The following VGLL4 variants were observed in gnomAD, a reference collection of about 807,000 sequenced individuals.
VGLL4 encodes vestigial like family member 4.
VGLL4 carries 7 observed loss-of-function variants against 21.0 expected under a neutral mutation model. That is an observed-to-expected ratio of 0.33 (90% confidence interval 0.19 to 0.63). The LOEUF is 0.63. VGLL4 is among the 20% of genes least tolerant of loss of function. The probability of loss-of-function intolerance (pLI) is 0.78; values close to 1 mark genes in which losing one functional copy is unlikely to be tolerated. For synonymous variants in VGLL4, 222 were observed against 173.2 expected, an observed-to-expected ratio of 1.28 and a Z score of -2.21; for missense variants, 394 against 425.7, an observed-to-expected ratio of 0.93 and a Z score of 0.66.
At chr3:11,672,904 T>C (rs995325572) in intron 2 of VGLL4, among the ~76,000 whole-genome samples, 1 of 152,130 alleles carries the variant, frequency 6.6e-6, no homozygotes, top group African/African-American at 2.4e-5. Context: ...ACGAGAACAC[T>C]GAACTCTCTA....
rs557446033 is a variant in VGLL4, at chr3:11,663,858, T to G, written c.64+39113A>C. ...AAAACAATGGAATTTAATTTCTCTA[T>G]GCTGTAAGAAAACACATTTGTCATT... On this transcript the variant is annotated intron_variant, in intron 2 of 5. Coordinates refer to the VGLL4 transcript ENST00000273038. Among the ~76,000 whole-genome samples the G allele has an allele frequency of 5.9e-5, 9 of 152,384 alleles. No individual in the cohort carries two copies. In the South Asian group the frequency reaches 1.7e-3, roughly 28 times the overall value.
At position 11,565,046 on chromosome 3, in the gene VGLL4, G is replaced by C. The variant is rs2073399257; in HGVS notation, c.273-27C>G. 6.8e-7 allele frequency: 1 copy of C among 1,465,454 alleles called. No homozygotes were observed. The highest frequency in any genetic ancestry group is 1.5e-5 in the South Asian group (1 of 67,304). The allele number at this position is 1,465,454 out of a possible 1,614,324, so 90.8% of individuals were successfully genotyped here. ...TGAAAAAGAGGAATGGGCATTCAGG[G>C]GGCGTTTTCTCAAAGGCAAAGGGGA... On this transcript the variant is annotated intron_variant, in intron 2 of 4. Coordinates refer to ENST00000430365, the MANE Select transcript of VGLL4 (RefSeq NM_001128219.3). The surrounding 1 kb of genome is among the most constrained non-coding windows in gnomAD (Gnocchi z 4.1).
chr3:11,632,091 A>G (rs1055106997), intron 1 of VGLL4, among the ~76,000 whole-genome samples: 4 of 152,134 alleles, frequency 2.6e-5, no homozygotes, highest in African/African-American at 9.7e-5. Flanking sequence ...GGGCAGGCAG[A>G]TCGCCTGAGG....
chr3:11,575,683 G>T (rs2074017915), intron 2 of VGLL4, among the ~76,000 whole-genome samples: 1 of 152,256 alleles, frequency 6.6e-6, no homozygotes, highest in Admixed American at 6.5e-5. Context: ...AGACCTGTCG[G>T]AAACGCTGCT....
intron 1 of VGLL4, among the ~76,000 whole-genome samples, chr3:11,617,152 A>G (rs1480271748): frequency 6.6e-6 from 1 of 152,204 alleles, no homozygotes; most frequent in African/African-American, 2.4e-5. Context: ...TAACTCTAAC[A>G]GGAGTGGGAT....
intron 1 of VGLL4, among the ~76,000 whole-genome samples, chr3:11,639,107 T>C (rs2125326829): frequency 6.6e-6 from 1 of 152,328 alleles, no homozygotes; most frequent in South Asian, 2.1e-4. Flanking sequence ...AATTACACAC[T>C]AATGGCTCTT....
chr3:11,558,492 T>TACTG lies in VGLL4; in HGVS notation c.*60_*63dup. ...CCCCCATGATTTTTTTTTTTTTAAG[T>TACTG]ACTGACTGTTCAAAGCTCAGGCAAA... On this transcript the variant is annotated 3_prime_UTR_variant, in exon 5 of 5. Transcript: ENST00000430365. 7.1e-7 allele frequency: 1 copy of TACTG among 1,414,668 alleles called. No individual in the cohort carries two copies. Among genetic ancestry groups the TACTG allele is most frequent in the Non-Finnish European group, 9.5e-7 (1 of 1,053,578 alleles). 87.6% of individuals were successfully genotyped at this position (1,414,668 alleles called of 1,614,324 possible).
At position 11,564,982 on chromosome 3, in the gene VGLL4, G is replaced by A. The variant is rs774581253; in HGVS notation, c.310C>T (p.Arg104Trp). Residue 104 changes from arginine to tryptophan, a missense_variant, in exon 3 of 5, where the codon CGG (arginine) becomes TGG (tryptophan). By Grantham distance (101) the Arg-to-Trp change is moderately radical. Coordinates refer to ENST00000430365, the MANE Select transcript of VGLL4 (RefSeq NM_001128219.3). ...TCGATGGGGCTGCGGCTCCGCTCCC[G>A]GGGGTCTCTGCGGCAGTCTCCATTG... The part of the protein sequence containing the change: ...TANGDCRRDP[R>W]ERSRSPIERA... The A allele has an allele frequency of 4.6e-5, 70 of 1,528,852 alleles. No individual in the cohort carries two copies. Among genetic ancestry groups the A allele is most frequent in the Non-Finnish European group, 5.5e-5 (63 of 1,139,298 alleles). The allele number at this position is 1,528,852 out of a possible 1,614,324, so 94.7% of individuals were successfully genotyped here.
At chr3:11,621,256 A>G (rs9865799) in intron 1 of VGLL4, among the ~76,000 whole-genome samples, 15,055 of 152,186 alleles carry the variant, frequency 0.099, 1,157 homozygotes, top group African/African-American at 0.2. Context: ...CTGTGCAACA[A>G]TCACCATGAT....
At chr3:11,676,848 C>G (rs1312144987) in intron 2 of VGLL4, among the ~76,000 whole-genome samples, 1 of 152,172 alleles carries the variant, frequency 6.6e-6, no homozygotes, top group Admixed American at 6.5e-5. Context: ...ATTACATCAA[C>G]TCCACATATT....
chr3:11,567,296 C>CA (rs1308945209), intron 2 of VGLL4, among the ~76,000 whole-genome samples: 3 of 152,114 alleles, frequency 2.0e-5, no homozygotes, highest in African/African-American at 7.2e-5. Context: ...CCTCAGTGAG[C>CA]GCCAAGAGAA....
chr3:11,622,993 T>C (rs2075293112), intron 1 of VGLL4, among the ~76,000 whole-genome samples: 1 of 152,202 alleles, frequency 6.6e-6, no homozygotes, highest in African/African-American at 2.4e-5. Flanking sequence ...TGAGCAAATA[T>C]CTTAAATAGC....
At chr3:11,690,648 GA>G (rs199772239) in intron 2 of VGLL4, among the ~76,000 whole-genome samples, 2 of 148,794 alleles carry the variant, frequency 1.3e-5, no homozygotes, top group African/African-American at 4.9e-5. Flanking sequence ...TCCAAAGAGA[GA>G]AAAAAAAACA....
chr3:11,641,066 A>G (rs111977375), intron 1 of VGLL4, among the ~76,000 whole-genome samples: 2,137 of 149,764 alleles, frequency 0.014, 17 homozygotes, highest in South Asian at 0.045. Context: ...GCAGTGAGCC[A>G]AGATCGCGCC....
chr3:11,625,881 CA>C (rs1332327134), intron 1 of VGLL4, among the ~76,000 whole-genome samples: 3 of 152,058 alleles, frequency 2.0e-5, no homozygotes, highest in Non-Finnish European at 4.4e-5. Context: ...CTGTGGCTGC[CA>C]GGGACCAGCA....
chr3:11,671,422 G>A (rs2076214448), intron 2 of VGLL4: 1 of 788,200 alleles, frequency 1.3e-6, no homozygotes, highest in Non-Finnish European at 2.3e-6. Flanking sequence ...GTAACAAAGA[G>A]GTAGAAAACA....
chr3:11,718,796 G>A (rs954551489), intron 1 of VGLL4, among the ~76,000 whole-genome samples: 8 of 151,924 alleles, frequency 5.3e-5, no homozygotes, highest in Non-Finnish European at 1.0e-4. Context: ...CTACCCTCCC[G>A]CGCCAGGCTG....
intron 1 of VGLL4, among the ~76,000 whole-genome samples, chr3:11,620,034 GGAGA>G (rs975782497): frequency 1.6e-5 from 2 of 121,682 alleles, no homozygotes; most frequent in Admixed American, 1.6e-4. Flanking sequence ...GAGAAAAAGA[GGAGA>G]GAGTGCCACC....
intron 2 of VGLL4, among the ~76,000 whole-genome samples, chr3:11,701,648 CTAA>C (rs2076682255): frequency 6.6e-6 from 1 of 152,148 alleles, no homozygotes; most frequent in African/African-American, 2.4e-5. Flanking sequence ...CTCCATGTTA[CTAA>C]TGAGAAAACT....
Sources: allele counts gnomAD v4.1 joint callset (sites outside exome capture counted in the v4.1 genomes callset), GRCh38; gene constraint gnomAD v4.1.1; non-coding constraint Gnocchi (gnomAD v3.1); transcripts MANE v1.5; gene names NCBI Gene and HGNC (gene_info 2026-07-23, HGNC 2026-07-21).